FBN2: variants seen among roughly 807,000 people sequenced by gnomAD.
FBN2 encodes the protein fibrillin 2.
In FBN2, 105 loss-of-function variants were observed where a neutral mutation model predicts 355.6. That is an observed-to-expected ratio of 0.30 (90% CI 0.25 to 0.35). The LOEUF (loss-of-function observed/expected upper bound fraction) is 0.35, where lower values mean the gene tolerates loss of function less well. Ranked by LOEUF, FBN2 falls within the 10% of genes least tolerant of loss-of-function variation. FBN2 has a pLI of 1.00. For synonymous variants in FBN2, 1,350 were observed against 1,301.2 expected (o/e 1.04, Z -0.81); for missense variants, 3,280 against 3,758.7 (o/e 0.87, Z 3.33).
At chr5:128,345,652 C>G (rs764066956) in intron 23 of FBN2, 68 bp from the exon 24 acceptor site, 3 of 1,409,076 alleles carry the variant, frequency 2.1e-6, no homozygotes, top group Non-Finnish European at 3.0e-6. Flanking sequence ...ACATGTCAAG[C>G]GTCTGCTCAG....
intron 5 of FBN2, among the ~76,000 whole-genome samples, chr5:128,468,003 T>TA (rs1005170682): frequency 2.0e-5 from 3 of 152,196 alleles, no homozygotes; most frequent in African/African-American, 7.2e-5. Context: ...GTTTTAAGTG[T>TA]AAAATTCAAT....
intron 14 of FBN2, 66 bp downstream of exon 14, chr5:128,376,665 T>C: frequency 4.4e-6 from 7 of 1,573,214 alleles, no homozygotes; most frequent in Non-Finnish European, 6.1e-6. Context: ...AATTCTTCCA[T>C]GGTTCATTCA....
At chr5:128,448,242 T>A (rs985788003) in intron 6 of FBN2, among the ~76,000 whole-genome samples, 3 of 151,988 alleles carry the variant, frequency 2.0e-5, no homozygotes, top group Non-Finnish European at 4.4e-5. Flanking sequence ...CTACTGTTCA[T>A]GAAGACTCCT....
intron 4 of FBN2, among the ~76,000 whole-genome samples, chr5:128,520,937 A>G (rs919436200): frequency 1.3e-5 from 2 of 152,190 alleles, no homozygotes; most frequent in African/African-American, 4.8e-5. Flanking sequence ...GAAAAGGAAA[A>G]AAGGCCACGG....
At chr5:128,533,227 T>A (rs781322439) in intron 2 of FBN2, among the ~76,000 whole-genome samples, 1 of 152,130 alleles carries the variant, frequency 6.6e-6, no homozygotes, top group Non-Finnish European at 1.5e-5. Flanking sequence ...CAAAGTTTCC[T>A]CCTCCCCAGA....
chr5:128,470,558 G>A (rs969164252), intron 5 of FBN2, among the ~76,000 whole-genome samples: 1 of 152,016 alleles, frequency 6.6e-6, no homozygotes, highest in Non-Finnish European at 1.5e-5. Context: ...CAGATGTGGG[G>A]GAAAAAAACA....
chr5:128,513,123 C>T (rs987664734), intron 5 of FBN2, among the ~76,000 whole-genome samples: 1 of 152,192 alleles, frequency 6.6e-6, no homozygotes, highest in Non-Finnish European at 1.5e-5. Context: ...GTGTCAGGTG[C>T]TTAACACATT....
chr5:128,293,389 G>A (rs552648047), intron 48 of FBN2, among the ~76,000 whole-genome samples: 1 of 152,250 alleles, frequency 6.6e-6, no homozygotes, highest in Admixed American at 6.5e-5. Flanking sequence ...CTACTTGGGA[G>A]GCTGAGGCAG....
intron 15 of FBN2, 73 bp from the exon 16 acceptor site, chr5:128,369,407 T>C: frequency 1.8e-5 from 27 of 1,493,602 alleles, no homozygotes; most frequent in Non-Finnish European, 2.5e-5. Flanking sequence ...AAGGCTTCTT[T>C]TAACCTAAGT....
chr5:128,324,006 G>T (rs992275217), intron 34 of FBN2, among the ~76,000 whole-genome samples: 1 of 152,134 alleles, frequency 6.6e-6, no homozygotes, highest in Non-Finnish European at 1.5e-5. Flanking sequence ...CTTCTTCCTG[G>T]TTTAGTCTTG....
intron 1 of FBN2, 21 bp from the exon 2 acceptor site, chr5:128,536,505 C>A: frequency 6.3e-7 from 1 of 1,591,322 alleles, no homozygotes; most frequent in South Asian, 1.1e-5. Flanking sequence ...CAAGCGCGGT[C>A]ACGTAACAGA....
chr5:128,300,631 C>T (rs1010129292), intron 48 of FBN2, among the ~76,000 whole-genome samples, 186 bp downstream of exon 48: 19 of 152,224 alleles, frequency 1.2e-4, no homozygotes, highest in African/African-American at 4.1e-4. Flanking sequence ...AAAAATCCTA[C>T]ATCCCTAAGT....
Position 128,335,310 on chromosome 5 carries a change from T to C in FBN2, c.3848-15A>G. ...TTCATCAATGTCTGATGATACAAAATTAGCATCAAATGAAAATAAAAATGT... is the reference window on the plus strand; with the variant it reads ...TTCATCAATGTCTGATGATACAAAACTAGCATCAAATGAAAATAAAAATGT... On this transcript the variant is annotated splice_polypyrimidine_tract_variant and intron_variant, in intron 29 of 64. Coordinates refer to ENST00000262464, the MANE Select transcript of FBN2 (RefSeq NM_001999.4). 6.2e-7 allele frequency: 1 copy of C among 1,614,036 alleles called. No individual in the cohort carries two copies.
intron 8 of FBN2, among the ~76,000 whole-genome samples, chr5:128,403,298 C>T (rs1752846312): frequency 6.6e-6 from 1 of 152,070 alleles, no homozygotes; most frequent in Admixed American, 6.5e-5. Flanking sequence ...TTCAAGAATA[C>T]TCCACAGCAG....
intron 48 of FBN2, among the ~76,000 whole-genome samples, chr5:128,292,450 G>T (rs1749351476): frequency 6.6e-6 from 1 of 152,132 alleles, no homozygotes; most frequent in African/African-American, 2.4e-5. Flanking sequence ...ATGAGGACAT[G>T]ACATGTCTGT....
At position 128,491,878 on chromosome 5, in the gene FBN2, T is replaced by C. The variant is rs1755514891; in HGVS notation, c.629-26957A>G. ...ATTAATGAAAGACCTTTAAAAGAGG[T>C]ACTTTTTTGAGCTATTCTCTCTTTT... On this transcript the variant is annotated intron_variant, in intron 5 of 64. Coordinates refer to ENST00000262464, the MANE Select transcript of FBN2 (RefSeq NM_001999.4). 2.0e-5 allele frequency among the ~76,000 whole-genome samples: 3 copies of C among 152,180 alleles called. No homozygotes were observed. In the South Asian group the frequency reaches 6.2e-4, roughly 31 times the overall value.
At chr5:128,479,444 A>G (rs1217214694) in intron 5 of FBN2, among the ~76,000 whole-genome samples, 1 of 152,180 alleles carries the variant, frequency 6.6e-6, no homozygotes. Flanking sequence ...CACTACTCTA[A>G]ATACATTACA....
intron 7 of FBN2, among the ~76,000 whole-genome samples, chr5:128,412,189 G>A (rs1179300456): frequency 6.6e-6 from 1 of 152,156 alleles, no homozygotes; most frequent in Non-Finnish European, 1.5e-5. Flanking sequence ...TTTAATAGCT[G>A]TCATATCTGA....
intron 49 of FBN2, 96 bp from the exon 50 acceptor site, chr5:128,290,980 A>G: frequency 1.7e-6 from 2 of 1,178,004 alleles, no homozygotes; most frequent in South Asian, 2.5e-5. Flanking sequence ...AGACTAGATC[A>G]GCAGTTAAGG....
Sources: gnomAD v4.1 joint callset for allele counts (sites outside exome capture counted in the v4.1 genomes callset) on GRCh38, gnomAD v4.1.1 for gene constraint, MANE v1.5 for transcripts, NCBI Gene and HGNC (gene_info 2026-07-23, HGNC 2026-07-21) for gene names.